Variants in KPNA3 observed in about 807,000 individuals in gnomAD.
KPNA3 encodes the protein importin subunit alpha-4.
In KPNA3, 13 loss-of-function variants were observed where a neutral mutation model predicts 73.8. The observed-to-expected ratio is 0.18, with a 90% CI of 0.11 to 0.28. The LOEUF (loss-of-function observed/expected upper bound fraction) is 0.28. Ranked by LOEUF, KPNA3 falls within the 10% of genes least tolerant of loss-of-function variation. KPNA3 has a pLI of 1.00. For missense variants in KPNA3, 360 were observed against 618.1 expected (o/e 0.58, Z 4.43); for synonymous variants, 186 against 206.9 (o/e 0.90, Z 0.87).
intron 6 of KPNA3, 151 bp downstream of exon 6, chr13:49,732,220 T>C: frequency 2.3e-6 from 1 of 432,470 alleles, no homozygotes; most frequent in Non-Finnish European, 4.2e-6. Flanking sequence ...GTCTGCTAAA[T>C]ATGATCACAG....
intron 1 of KPNA3, among the ~76,000 whole-genome samples, chr13:49,771,156 GCCAAA>G (rs1299714083): frequency 2.1e-5 from 3 of 145,142 alleles, no homozygotes; most frequent in Non-Finnish European, 4.5e-5. Context: ...AGAAAAAGAA[GCCAAA>G]AGAAAAGAAT....
chr13:49,781,973 G>A (rs962249742), intron 1 of KPNA3, among the ~76,000 whole-genome samples: 8 of 152,162 alleles, frequency 5.3e-5, no homozygotes, highest in East Asian at 1.9e-4. Context: ...ATATCTAGCC[G>A]GCAGGAATTA....
intron 1 of KPNA3, among the ~76,000 whole-genome samples, chr13:49,762,838 G>A (rs1161247687): frequency 6.8e-6 from 1 of 147,706 alleles, no homozygotes; most frequent in African/African-American, 2.5e-5. Context: ...CCCCCTCTGC[G>A]AGAAACACCC....
intron 9 of KPNA3, among the ~76,000 whole-genome samples, chr13:49,720,198 C>T (rs548170210): frequency 4.6e-5 from 7 of 152,244 alleles, no homozygotes; most frequent in South Asian, 2.1e-4. Context: ...TTAAAACTGC[C>T]GTAATTGTCT....
Position 49,713,849 on chromosome 13 carries a change from G to A in KPNA3, c.772-2827C>T, listed in dbSNP as rs368219305. On this transcript the variant is annotated intron_variant, in intron 10 of 16. Coordinates refer to ENST00000261667, the MANE Select transcript of KPNA3 (RefSeq NM_002267.4). ...GCCCCATGTAGCTGGGATTACAGGC[G>A]CGTGCCATCACAGTCAGCTAATTTT... Among the ~76,000 whole-genome samples, 8 of 152,062 alleles carry A rather than the reference G, an allele frequency of 5.3e-5. No individual in the cohort carries two copies. The East Asian group carries it at 5.8e-4, about 11-fold the overall frequency.
chr13:49,741,396 T>C (rs1285076159), intron 2 of KPNA3, among the ~76,000 whole-genome samples: 1 of 152,178 alleles, frequency 6.6e-6, no homozygotes, highest in Non-Finnish European at 1.5e-5. Context: ...TGTTGAACAA[T>C]TTTTAGTATA....
At chr13:49,731,556 C>G (rs1353490750) in intron 6 of KPNA3, among the ~76,000 whole-genome samples, 1 of 152,056 alleles carries the variant, frequency 6.6e-6, no homozygotes, top group Admixed American at 6.5e-5. Flanking sequence ...ATACTAAAAA[C>G]CCTTAGTGGC....
chr13:49,729,446 A>T (rs1005328606), intron 6 of KPNA3, among the ~76,000 whole-genome samples: 4 of 151,626 alleles, frequency 2.6e-5, no homozygotes, highest in African/African-American at 9.7e-5. Context: ...GTGGAAAAAT[A>T]AAAAAAAATG....
At chr13:49,703,175 CTT>C (rs1375722564) in intron 15 of KPNA3, among the ~76,000 whole-genome samples, 19 of 108,828 alleles carry the variant, frequency 1.7e-4, no homozygotes, top group Non-Finnish European at 3.1e-4. Context: ...GGCATTTTTT[CTT>C]TCTTTCTTTT....
intron 9 of KPNA3, among the ~76,000 whole-genome samples, chr13:49,721,222 A>C (rs1954353828): frequency 8.7e-6 from 1 of 114,486 alleles, no homozygotes; most frequent in Non-Finnish European, 1.6e-5. Context: ...GTCTCAAAAG[A>C]AGAAGAAGAA....
intron 1 of KPNA3, among the ~76,000 whole-genome samples, chr13:49,760,975 G>A (rs1378412796): frequency 6.6e-6 from 1 of 152,108 alleles, no homozygotes; most frequent in Non-Finnish European, 1.5e-5. Context: ...GATCACGTTG[G>A]CAAGTGTGAT....
intron 1 of KPNA3, among the ~76,000 whole-genome samples, chr13:49,767,014 T>TA (rs1270563854): frequency 1.9e-4 from 28 of 146,034 alleles, no homozygotes; most frequent in Non-Finnish European, 3.6e-4. Flanking sequence ...TTTTTTTTTT[T>TA]ATAATTTTAA....
At chr13:49,721,868 A>G (rs1954362509) in intron 9 of KPNA3, 87 bp downstream of exon 9, 1 of 829,012 alleles carries the variant, frequency 1.2e-6, no homozygotes, top group African/African-American at 1.7e-5. Context: ...AAATCAGTAT[A>G]TGTATTATTT....
intron 1 of KPNA3, among the ~76,000 whole-genome samples, chr13:49,760,490 T>TA (rs1374325454): frequency 2.0e-5 from 3 of 148,726 alleles, no homozygotes; most frequent in Non-Finnish European, 4.5e-5. Flanking sequence ...ATAAAGTGCA[T>TA]AAAAAAGACA....
intron 6 of KPNA3, 75 bp downstream of exon 6, chr13:49,732,296 C>T: frequency 1.6e-6 from 1 of 639,598 alleles, no homozygotes; most frequent in South Asian, 2.4e-5. Context: ...CCAAACTGAA[C>T]TCACTGGTTA....
chr13:49,732,915 T>C (rs1272771757), intron 3 of KPNA3, 42 bp downstream of exon 3: 2 of 1,441,296 alleles, frequency 1.4e-6, no homozygotes, highest in African/African-American at 2.9e-5. Flanking sequence ...ACAGTTACTA[T>C]AAAAATTATT....
chr13:49,771,340 C>A (rs1169191539), intron 1 of KPNA3, among the ~76,000 whole-genome samples: 1 of 152,176 alleles, frequency 6.6e-6, no homozygotes, highest in African/African-American at 2.4e-5. Flanking sequence ...TAGTTTTCAG[C>A]ATACAAGTCT....
At chr13:49,718,872 A>G (rs1364937774) in intron 10 of KPNA3, among the ~76,000 whole-genome samples, 1 of 152,182 alleles carries the variant, frequency 6.6e-6, no homozygotes, top group Non-Finnish European at 1.5e-5. Flanking sequence ...AAAGGTAAGC[A>G]AAGATGTATT....
At chr13:49,727,318 C>A (rs548663765) in intron 6 of KPNA3, among the ~76,000 whole-genome samples, 1 of 151,660 alleles carries the variant, frequency 6.6e-6, no homozygotes, top group African/African-American at 2.4e-5. Context: ...CATGATGGTG[C>A]GTGCCTATAA....
Sources: allele counts gnomAD v4.1 joint callset (sites outside exome capture counted in the v4.1 genomes callset), GRCh38; gene constraint gnomAD v4.1.1; transcripts MANE v1.5; gene names NCBI Gene and HGNC (gene_info 2026-07-23, HGNC 2026-07-21).